CTDP1: variants seen among roughly 807,000 people sequenced by gnomAD.
CTDP1 encodes RNA polymerase II subunit A C-terminal domain phosphatase.
A neutral mutation model predicts 91.8 loss-of-function variants in CTDP1; 47 were observed. The observed-to-expected ratio is 0.51, with a 90% CI of 0.41 to 0.65. CTDP1 has a LOEUF of 0.65. CTDP1 is among the 30% of genes least tolerant of loss of function. The probability of loss-of-function intolerance (pLI) is 0.00; values close to 1 mark genes in which losing one functional copy is unlikely to be tolerated. For missense variants in CTDP1, 1,272 were observed against 1,373.7 expected, an observed-to-expected ratio of 0.93 and a Z score of 1.17; for synonymous variants, 656 against 598.5, an observed-to-expected ratio of 1.10 and a Z score of -1.40.
chr18:79,691,537 CGGGGTG>C (rs2085623406), intron 1 of CTDP1, among the ~76,000 whole-genome samples: 1 of 57,868 alleles, frequency 1.7e-5, no homozygotes, highest in African/African-American at 6.9e-5. Context: ...AGGGTGGACT[CGGGGTG>C]GGGGAGGAGT....
chr18:79,735,401 C>T (rs1325264193), intron 11 of CTDP1, among the ~76,000 whole-genome samples: 2 of 152,234 alleles, frequency 1.3e-5, no homozygotes, highest in African/African-American at 2.4e-5. Context: ...CCCTCAACGT[C>T]GGAGAGCTGT....
chr18:79,748,066 C>T (rs1423618742), intron 12 of CTDP1, among the ~76,000 whole-genome samples: 1 of 152,172 alleles, frequency 6.6e-6, no homozygotes, highest in Non-Finnish European at 1.5e-5. Context: ...CAAATTCTAT[C>T]TGTTAACATT....
intron 12 of CTDP1, among the ~76,000 whole-genome samples, chr18:79,747,749 G>A (rs987400949): frequency 1.3e-4 from 20 of 152,194 alleles, no homozygotes; most frequent in African/African-American, 4.3e-4. Context: ...TTTTAGTGAC[G>A]TGGCGGCCTC....
At chr18:79,751,545 G>T (rs986942416) in intron 12 of CTDP1, among the ~76,000 whole-genome samples, 1 of 152,194 alleles carries the variant, frequency 6.6e-6, no homozygotes, top group East Asian at 1.9e-4. Context: ...CTTGTCTTCT[G>T]TTGGTTCCAT....
chr18:79,699,745 C>T (rs1435109586), intron 4 of CTDP1, among the ~76,000 whole-genome samples: 1 of 152,122 alleles, frequency 6.6e-6, no homozygotes, highest in Non-Finnish European at 1.5e-5. Context: ...TTTTATGGTG[C>T]TTCACTGATA....
In CTDP1 at chr18:79,705,430, C is replaced by T. The variant is rs149895591; in HGVS notation, c.772+513C>T. Among the ~76,000 whole-genome samples, 618 of 152,302 alleles carry T rather than the reference C, an allele frequency of 4.1e-3. 8 individuals are homozygous for T. The highest frequency in any genetic ancestry group is 0.014 in the African/African-American group (566 of 41,564). ...GAATCGAGGGGACAGTGCCACGGGA[C>T]GGTGACTGTCCCATGTGGATGCAGT... On this transcript the variant is annotated intron_variant, in intron 5 of 12. Transcript: ENST00000613122.
intron 10 of CTDP1, among the ~76,000 whole-genome samples, chr18:79,724,011 G>T (rs1209675060): frequency 6.6e-6 from 1 of 152,190 alleles, no homozygotes; most frequent in Non-Finnish European, 1.5e-5. Context: ...AGGGATATTT[G>T]GGTTGTTTCC....
In CTDP1 at chr18:79,734,532, C is replaced by T. The variant is rs114429525; in HGVS notation, c.2581-1823C>T. 2.8e-3 allele frequency among the ~76,000 whole-genome samples: 426 copies of T among 151,162 alleles called. 1 individual carries two copies. The highest frequency in any genetic ancestry group is 0.01 in the African/African-American group (417 of 40,494). On this transcript the variant is annotated intron_variant, in intron 11 of 12. Coordinates refer to ENST00000613122, the MANE Select transcript of CTDP1 (RefSeq NM_004715.5). ...AGCACGGGGGCACGTGCCGGGCTGC[C>T]CTGCCTCACCAGCGTTGGCACGGAC... is the stretch of plus-strand genomic sequence containing the variant.
intron 1 of CTDP1, among the ~76,000 whole-genome samples, chr18:79,680,483 C>G (rs1403525921): frequency 6.6e-6 from 1 of 152,214 alleles, no homozygotes; most frequent in Non-Finnish European, 1.5e-5. Context: ...TCCTGCGTAG[C>G]GACACGAAGT....
At chr18:79,690,568 T>C (rs1665663764) in intron 1 of CTDP1, among the ~76,000 whole-genome samples, 1 of 152,218 alleles carries the variant, frequency 6.6e-6, no homozygotes, top group Non-Finnish European at 1.5e-5. Context: ...CGTTCAGGGC[T>C]TTTCACCCCT....
Position 79,714,577 on chromosome 18 carries a change from C to G in CTDP1, c.1117C>G (p.Pro373Ala). The change falls in exon 8 of 13, where the codon CCC becomes GCC. Residue 373 changes from proline (P) to alanine (A), a missense_variant. Around this residue, in one of 3 missense-constraint regions of CTDP1, gnomAD observed 881 missense variants for 911.6 expected, o/e 0.97. Transcript: ENST00000613122. ...EGVTQAPGVEPSNGLEKPARE... is the reference protein window; with the variant it reads ...EGVTQAPGVEASNGLEKPARE... ...GGTAACGCAGGCCCCTGGAGTGGAG[C>G]CCAGCAATGGCCTGGAGAAGCCTGC... 6.2e-7 allele frequency: 1 copy of G among 1,613,112 alleles called. No individual in the cohort carries two copies. Among genetic ancestry groups the G allele is most frequent in the Non-Finnish European group, 8.5e-7 (1 of 1,180,022 alleles).
chr18:79,710,982 G>C (rs543820128), intron 6 of CTDP1, among the ~76,000 whole-genome samples: 1 of 152,228 alleles, frequency 6.6e-6, no homozygotes, highest in South Asian at 2.1e-4. Flanking sequence ...GAGCCCTGGT[G>C]CTTGTGCAGG....
chr18:79,689,945 G>T (rs566609211), intron 1 of CTDP1, among the ~76,000 whole-genome samples: 4 of 152,166 alleles, frequency 2.6e-5, no homozygotes, highest in Non-Finnish European at 4.4e-5. Context: ...AGGCATTGCC[G>T]CCTTGTCTGC....
At chr18:79,732,103 A>G (rs2086577735) in intron 11 of CTDP1, among the ~76,000 whole-genome samples, 1 of 151,922 alleles carries the variant, frequency 6.6e-6, no homozygotes, top group Non-Finnish European at 1.5e-5. Flanking sequence ...AGATGTAAGA[A>G]CTTGCTGACA....
chr18:79,681,008 G>A (rs1433645341), intron 1 of CTDP1: 2 of 152,338 alleles, frequency 1.3e-5, no homozygotes, highest in Non-Finnish European at 2.9e-5. Flanking sequence ...GAAACTCCAG[G>A]GAGAGGTGGA....
chr18:79,698,078 G>C (rs2085784230), intron 4 of CTDP1, 90 bp downstream of exon 4: 1 of 1,548,490 alleles, frequency 6.5e-7, no homozygotes, highest in African/African-American at 1.4e-5. Flanking sequence ...TTTTTTAGAT[G>C]ATTTCCCGTA....
rs11306504 is a variant in CTDP1, at chr18:79,710,686, ATTTTTTTTTTTTTTTTTTTTT to A, written c.863+262_863+282del. Among the ~76,000 whole-genome samples, 14 of 88,504 alleles carry A rather than the reference ATTTTTTTTTTTTTTTTTTTTT, an allele frequency of 1.6e-4. No homozygotes were observed. The East Asian group carries it at 4.8e-3, about 31-fold the overall frequency. The allele number at this position is 88,504 out of a possible 152,430, so 58.1% of individuals were successfully genotyped here. On this transcript the variant is annotated intron_variant, in intron 6 of 12. Coordinates refer to ENST00000613122, the MANE Select transcript of CTDP1 (RefSeq NM_004715.5). ...CAGGCACCCACCACCTCGCCCGGCA[ATTTTTTTTTTTTTTTTTTTTT>A]TTTTTTTTTTTGTATTTTTAGTACA... is the stretch of plus-strand genomic sequence containing the variant.
rs1353189937 is a variant in CTDP1, at chr18:79,695,286, G to A, written c.376G>A (p.Glu126Lys). The A allele has an allele frequency of 6.2e-7, 1 of 1,614,178 alleles. No individual in the cohort carries two copies. Among genetic ancestry groups the A allele is most frequent in the East Asian group, 2.2e-5 (1 of 44,886 alleles). ...HPVVMKGLCA[E>K]CGQDLTQLQS... ...GGTTGTCATGAAAGGCCTGTGTGCT[G>A]AATGTGGCCAAGACCTCACCCAGTA... The change falls in exon 2 of 13, where the codon GAA (glutamate) becomes AAA (lysine). Residue 126 changes from glutamate to lysine, a missense_variant. Glu to Lys is a moderately conservative substitution (Grantham distance 56). This residue lies in a region of CTDP1 where 177 missense variants were observed against 283.0 expected (regional missense o/e 0.63). Coordinates refer to ENST00000613122, the MANE Select transcript of CTDP1 (RefSeq NM_004715.5).
rs368514069 is a variant in CTDP1, at chr18:79,715,164, G to A, written c.1704G>A (p.Ala568=). ...SQNSELSGVT[A]GESLDQSMEE... is the part of the protein sequence containing the mutation. The stretch of plus-strand genomic sequence containing the variant: ...ACAGCGAGCTGTCGGGGGTCACTGC[G>A]GGTGAGTCCCTGGACCAGAGCATGG... The change falls in exon 8 of 13, where the codon GCG becomes GCA. Residue 568 remains alanine (A), a synonymous_variant. Transcript: ENST00000613122. 9.1e-5 allele frequency: 146 copies of A among 1,613,256 alleles called. No individual in the cohort carries two copies. The highest frequency in any genetic ancestry group is 1.6e-4 in the Middle Eastern group (1 of 6,084).
Sources: allele counts gnomAD v4.1 joint callset (sites outside exome capture counted in the v4.1 genomes callset), GRCh38; gene constraint gnomAD v4.1.1; regional missense constraint gnomAD v4.1.1; transcripts MANE v1.5; gene names NCBI Gene and HGNC (gene_info 2026-07-23, HGNC 2026-07-21).